The following FBXO17 variants were observed in gnomAD, a reference collection of about 807,000 sequenced individuals.
FBXO17 encodes F-box only protein 17.
In FBXO17, 43 loss-of-function variants were observed where a neutral mutation model predicts 34.1. The ratio of observed to expected loss-of-function variants is 1.26; its 90% CI spans 0.99 to 1.62. FBXO17 has a LOEUF of 1.62. FBXO17 is among the 40% of genes most tolerant of loss of function. The pLI is 0.00. For missense variants in FBXO17, 424 were observed against 386.7 expected (o/e 1.10, Z -0.81); for synonymous variants, 169 against 166.0 (o/e 1.02, Z -0.14).
Position 38,963,440 on chromosome 19 carries a change from G to C in FBXO17, c.-18+12146C>G, listed in dbSNP as rs181616469. ...CTCCCAAGTAGCTGGGACCACAGGT[G>C]CACCCCACCATGCCTGGCTAATTTT... On this transcript the variant is annotated intron_variant, in intron 1 of 5. Transcript: ENST00000292852. Among the ~76,000 whole-genome samples the C allele has an allele frequency of 5.9e-5, 9 of 151,928 alleles. No homozygotes were observed. In the East Asian group the frequency reaches 1.6e-3, roughly 26 times the overall value.
chr19:38,942,154 A>G lies in FBXO17; in HGVS notation c.*454T>C, dbSNP rs1974896803. The G allele has an allele frequency of 6.6e-6, 1 of 152,480 alleles. No individual in the cohort carries two copies. The highest frequency in any genetic ancestry group is 2.4e-5 in the African/African-American group (1 of 41,452). 9.4% of individuals were successfully genotyped at this position (152,480 alleles called of 1,614,324 possible). A position where few individuals can be genotyped will look rare whatever the true frequency, so the allele number is the denominator to read the frequency against. On this transcript the variant is annotated 3_prime_UTR_variant, in exon 6 of 6. Coordinates refer to ENST00000292852, the MANE Select transcript of FBXO17 (RefSeq NM_024907.7). ...TTTGTCACACAGCATGATGGCCACC[A>G]CACTGAAGCAGCAGCAAGCAGATTC...
intron 1 of FBXO17, among the ~76,000 whole-genome samples, chr19:38,974,845 T>G (rs999158622): frequency 2.0e-5 from 3 of 152,154 alleles, no homozygotes; most frequent in Non-Finnish European, 4.4e-5. Context: ...GGTTGTTGTT[T>G]AAAGGCGTGT....
chr19:38,949,977 C>T lies in FBXO17; in HGVS notation c.343G>A (p.Gly115Arg), dbSNP rs1159408972. ...FGRNLIFNSC[G>R]EQGFRGWEVE... Reference sequence around the variant, plus strand: ...CCCCGCCCCCGTCACCCACGCTCTCCGCAGGAGTTGAAGATGAGATTGCGG... The same window carrying T: ...CCCCGCCCCCGTCACCCACGCTCTCTGCAGGAGTTGAAGATGAGATTGCGG... The change falls in exon 2 of 6, where the codon GGA becomes AGA. Residue 115 changes from glycine to arginine, a missense_variant. Coordinates refer to ENST00000292852, the MANE Select transcript of FBXO17 (RefSeq NM_024907.7). The T allele has an allele frequency of 4.1e-5, 64 of 1,542,722 alleles. No homozygotes were observed. The East Asian group carries it at 9.6e-4, about 23-fold the overall frequency.
At chr19:38,956,409 G>C (rs2144827157) in intron 1 of FBXO17, among the ~76,000 whole-genome samples, 1 of 152,142 alleles carries the variant, frequency 6.6e-6, no homozygotes, top group South Asian at 2.1e-4. Context: ...CACTTATTGG[G>C]CACATGAAGA....
intron 1 of FBXO17, among the ~76,000 whole-genome samples, chr19:38,967,374 AG>A (rs1975334605): frequency 6.6e-6 from 1 of 152,132 alleles, no homozygotes; most frequent in Admixed American, 6.5e-5. Context: ...TGGGAGGCAG[AG>A]GTTGCAGTGA....
chr19:38,953,970 G>C (rs151053998), intron 1 of FBXO17, among the ~76,000 whole-genome samples: 121 of 152,170 alleles, frequency 8.0e-4, no homozygotes, highest in African/African-American at 2.5e-3. Context: ...GAGTGAAAGG[G>C]GGGGAGGAGG....
At chr19:38,949,852 C>G (rs373913149) in intron 2 of FBXO17, 119 bp downstream of exon 2, 1 of 1,251,050 alleles carries the variant, frequency 8.0e-7, no homozygotes. Context: ...CAGCCCCGCC[C>G]CCTGGCTCCT....
chr19:38,974,786 C>CA (rs1193564161), intron 1 of FBXO17, among the ~76,000 whole-genome samples: 2 of 152,042 alleles, frequency 1.3e-5, no homozygotes, highest in African/African-American at 4.8e-5. Context: ...ATGTAGTTAA[C>CA]AAAAAAATGT....
At chr19:38,950,952 C>T (rs1327074420) in intron 1 of FBXO17, among the ~76,000 whole-genome samples, 1 of 151,878 alleles carries the variant, frequency 6.6e-6, no homozygotes, top group Non-Finnish European at 1.5e-5. Flanking sequence ...CCACCACGCC[C>T]GGCTAATTTT....
At chr19:38,960,577 C>A (rs1384430786) in intron 1 of FBXO17, among the ~76,000 whole-genome samples, 1 of 152,262 alleles carries the variant, frequency 6.6e-6, no homozygotes, top group East Asian at 1.9e-4. Flanking sequence ...GGCACGATCT[C>A]GGCTCACTGT....
intron 1 of FBXO17, among the ~76,000 whole-genome samples, chr19:38,960,851 G>T (rs1975239402): frequency 6.6e-6 from 1 of 150,548 alleles, no homozygotes; most frequent in South Asian, 2.1e-4. Flanking sequence ...CTGTCGCCCA[G>T]GCTGGAGTGC....
At chr19:38,944,886 C>A in intron 5 of FBXO17, 83 bp downstream of exon 5, 1 of 1,565,112 alleles carries the variant, frequency 6.4e-7, no homozygotes, top group South Asian at 1.2e-5. Flanking sequence ...CCAGGAGTGA[C>A]AGAAGGGAAA....
At position 38,941,673 on chromosome 19, in the gene FBXO17, C is replaced by T. The variant is rs1011960538; in HGVS notation, c.*935G>A. 2 of 152,222 alleles carry T rather than the reference C, an allele frequency of 1.3e-5. No homozygotes were observed. Among genetic ancestry groups the T allele is most frequent in the Non-Finnish European group, 2.9e-5 (2 of 68,052 alleles). The allele number at this position is 152,222 out of a possible 1,614,324, so 9.4% of individuals were successfully genotyped here. ...TCAGGAACCCCTTTAAGCGGTTTTC[C>T]GCCCTGGGTGGGCCAGGTGTTCCTC... On this transcript the variant is annotated 3_prime_UTR_variant, in exon 6 of 6. Coordinates refer to ENST00000292852, the MANE Select transcript of FBXO17 (RefSeq NM_024907.7).
rs67681512 is a variant in FBXO17, at chr19:38,969,588, C to CTT, written c.-18+5996_-18+5997dup. 1.9e-4 allele frequency among the ~76,000 whole-genome samples: 20 copies of CTT among 103,492 alleles called. 1 individual carries two copies. The highest frequency in any genetic ancestry group is 3.4e-4 in the East Asian group (1 of 2,902). The allele number at this position is 103,492 out of a possible 152,430, so 67.9% of individuals were successfully genotyped here. A position where few individuals can be genotyped will look rare whatever the true frequency, so the allele number is the denominator to read the frequency against. ...TGGAATCACTTTGGAAACCACTGGG[C>CTT]TTTTTTTTTTTTTTTTTTTTTTTTT... On this transcript the variant is annotated intron_variant, in intron 1 of 5. Coordinates refer to ENST00000292852, the MANE Select transcript of FBXO17 (RefSeq NM_024907.7).
intron 4 of FBXO17, chr19:38,945,349 G>C: frequency 3.6e-6 from 2 of 561,444 alleles, no homozygotes; most frequent in South Asian, 4.1e-5. Flanking sequence ...GAGCCTGGGT[G>C]GTCCTGGGGT....
At chr19:38,958,859 G>C (rs924117066) in intron 1 of FBXO17, among the ~76,000 whole-genome samples, 8 of 152,130 alleles carry the variant, frequency 5.3e-5, no homozygotes, top group African/African-American at 1.7e-4. Flanking sequence ...TCAACTTTCA[G>C]AGCACTGCAG....
chr19:38,972,724 A>T (rs1023621929), intron 1 of FBXO17, among the ~76,000 whole-genome samples: 4 of 152,288 alleles, frequency 2.6e-5, no homozygotes, highest in Admixed American at 2.6e-4. Context: ...TAATCAAATG[A>T]ACATCACTAT....
intron 3 of FBXO17, among the ~76,000 whole-genome samples, chr19:38,948,133 G>A (rs1011627668): frequency 9.2e-5 from 14 of 151,634 alleles, no homozygotes; most frequent in African/African-American, 2.9e-4. Context: ...CAGCCTCCAC[G>A]TCCAGCTAAT....
intron 1 of FBXO17, among the ~76,000 whole-genome samples, chr19:38,960,633 C>T (rs574244666): frequency 2.0e-5 from 3 of 147,522 alleles, no homozygotes; most frequent in South Asian, 2.2e-4. Flanking sequence ...CTCAGCCTCT[C>T]GAGTAGCTGG....
Sources: gnomAD v4.1 joint callset for allele counts (sites outside exome capture counted in the v4.1 genomes callset) on GRCh38, gnomAD v4.1.1 for gene constraint, MANE v1.5 for transcripts, NCBI Gene and HGNC (gene_info 2026-07-23, HGNC 2026-07-21) for gene names.